MAP4K3: variants seen among roughly 807,000 people sequenced by gnomAD.
MAP4K3 encodes mitogen-activated protein kinase kinase kinase kinase 3.
MAP4K3 carries 94 observed loss-of-function variants against 143.5 expected under a neutral mutation model. That is an observed-to-expected ratio of 0.65 (90% CI 0.55 to 0.78). The LOEUF is 0.78. Among genes scored for constraint, MAP4K3 ranks in the 30% least tolerant of loss-of-function variants. MAP4K3 has a pLI of 0.00. For missense variants in MAP4K3, 1,077 were observed against 1,068.1 expected (o/e 1.01, Z -0.12); for synonymous variants, 416 against 347.2 (o/e 1.20, Z -2.20).
At chr2:39,277,447 C>T (rs1036992664) in intron 24 of MAP4K3, among the ~76,000 whole-genome samples, 1 of 152,178 alleles carries the variant, frequency 6.6e-6, no homozygotes, top group African/African-American at 2.4e-5. Flanking sequence ...GACATCTAAT[C>T]CTGAGTGCTG....
At position 39,329,070 on chromosome 2, in the gene MAP4K3, A is replaced by C. The variant is rs17023692; in HGVS notation, c.531-2793T>G. On this transcript the variant is annotated intron_variant, in intron 8 of 33. Coordinates refer to ENST00000263881, the MANE Select transcript of MAP4K3 (RefSeq NM_003618.4). ...GGAGAGTGTTCCCAAAATTAACTTT[A>C]CCTAATTCACAATTTCACATGTTCC... is the stretch of plus-strand genomic sequence containing the variant. Among the ~76,000 whole-genome samples the C allele has an allele frequency of 7.9e-3, 1,207 of 152,288 alleles. 16 individuals are homozygous for C. Among genetic ancestry groups the C allele is most frequent in the African/African-American group, 0.028 (1,157 of 41,562 alleles).
chr2:39,288,058 GT>G (rs1037792211), intron 20 of MAP4K3, 62 bp downstream of exon 20: 20 of 1,570,204 alleles, frequency 1.3e-5, no homozygotes, highest in Admixed American at 3.6e-5. Context: ...TTAAAAGAAA[GT>G]TTTTTTTCTC....
Position 39,310,610 on chromosome 2 carries a change from G to T in MAP4K3, c.998-1091C>A, listed in dbSNP as rs574818613. On this transcript the variant is annotated intron_variant, in intron 13 of 33. Transcript: ENST00000263881. ...TCCTTTCTTTTGGATGCATAATCCA[G>T]TAGTTCTGAATCATATGGTAGTTCT... 4.3e-4 allele frequency among the ~76,000 whole-genome samples: 65 copies of T among 152,286 alleles called. 1 individual carries two copies. The South Asian group carries it at 0.013, about 31-fold the overall frequency.
At chr2:39,427,071 G>C (rs1665111890) in intron 1 of MAP4K3, among the ~76,000 whole-genome samples, 2 of 151,612 alleles carry the variant, frequency 1.3e-5, no homozygotes, top group Non-Finnish European at 2.9e-5. Flanking sequence ...AAGTCAAACA[G>C]GGAGGAAAGA....
At chr2:39,282,115 A>C (rs1201873633) in intron 22 of MAP4K3, among the ~76,000 whole-genome samples, 1 of 151,994 alleles carries the variant, frequency 6.6e-6, no homozygotes, top group African/African-American at 2.4e-5. Flanking sequence ...GAATGGCATG[A>C]ACCTGGGAGG....
chr2:39,252,053 G>A lies in MAP4K3; in HGVS notation c.2542-168C>T, dbSNP rs561146827. ...ATGTAGATACATCAATTTGTTAGTC[G>A]AGGGGAAATGTGGTTAATTTTGAGT... is the stretch of plus-strand genomic sequence containing the variant. On this transcript the variant is annotated intron_variant, in intron 32 of 33. Coordinates refer to ENST00000263881, the MANE Select transcript of MAP4K3 (RefSeq NM_003618.4). Among the ~76,000 whole-genome samples, 7 of 152,310 alleles carry A rather than the reference G, an allele frequency of 4.6e-5. No homozygotes were observed. In the East Asian group the frequency reaches 9.6e-4, roughly 21 times the overall value.
At chr2:39,375,706 A>T (rs144765615) in intron 2 of MAP4K3, among the ~76,000 whole-genome samples, 3 of 152,326 alleles carry the variant, frequency 2.0e-5, no homozygotes, top group African/African-American at 7.2e-5. Flanking sequence ...AAGTTGTACA[A>T]CCATCACTAG....
chr2:39,313,642 A>G (rs941066697), intron 13 of MAP4K3, among the ~76,000 whole-genome samples: 2 of 152,068 alleles, frequency 1.3e-5, no homozygotes, highest in African/African-American at 4.8e-5. Context: ...CCTCCCCAGT[A>G]GCTGGGACTA....
At chr2:39,334,331 G>A (rs1216485215) in intron 6 of MAP4K3, among the ~76,000 whole-genome samples, 6 of 152,062 alleles carry the variant, frequency 3.9e-5, no homozygotes, top group Non-Finnish European at 8.8e-5. Context: ...GGTCCAAGGT[G>A]CCATCAATCA....
intron 3 of MAP4K3, among the ~76,000 whole-genome samples, chr2:39,349,788 A>T (rs145775890): frequency 3.9e-5 from 6 of 152,218 alleles, no homozygotes; most frequent in Non-Finnish European, 8.8e-5. Flanking sequence ...AAAAAGAAGA[A>T]ATAAAACTTC....
At chr2:39,347,185 G>A (rs935304711) in intron 3 of MAP4K3, among the ~76,000 whole-genome samples, 8 of 152,204 alleles carry the variant, frequency 5.3e-5, no homozygotes, top group African/African-American at 1.9e-4. Flanking sequence ...ACGAGCTTAT[G>A]TTGTATTCTT....
At chr2:39,341,511 G>C (rs546595258) in intron 4 of MAP4K3, among the ~76,000 whole-genome samples, 1 of 151,800 alleles carries the variant, frequency 6.6e-6, no homozygotes, top group Admixed American at 6.6e-5. Flanking sequence ...ATAAAAATTA[G>C]CCGGTGTGGT....
At chr2:39,417,942 C>A (rs572123343) in intron 1 of MAP4K3, among the ~76,000 whole-genome samples, 2 of 152,234 alleles carry the variant, frequency 1.3e-5, no homozygotes, top group Admixed American at 6.5e-5. Context: ...GTGGCTCACA[C>A]CTGTAATCTG....
chr2:39,392,774 G>A (rs1271932140), intron 1 of MAP4K3, among the ~76,000 whole-genome samples: 2 of 152,174 alleles, frequency 1.3e-5, no homozygotes, highest in East Asian at 3.8e-4. Context: ...GGTTATAAAA[G>A]TGAGTTTGGC....
In MAP4K3 at chr2:39,396,898, C is replaced by T. The variant is rs527833693; in HGVS notation, c.97-18775G>A. 3.3e-5 allele frequency among the ~76,000 whole-genome samples: 5 copies of T among 152,300 alleles called. No homozygotes were observed. The East Asian group carries it at 9.6e-4, about 29-fold the overall frequency. ...TCATTCTTACTATCTAAGGTAAATA[C>T]ATCTCAATTTAAGAGATCTATTACT... is the stretch of plus-strand genomic sequence containing the variant. On this transcript the variant is annotated intron_variant, in intron 1 of 33. Transcript: ENST00000263881.
intron 20 of MAP4K3, 122 bp downstream of exon 20, chr2:39,287,999 A>G: frequency 8.6e-7 from 1 of 1,164,786 alleles, no homozygotes; most frequent in African/African-American, 1.5e-5. Flanking sequence ...ACATCTCCAT[A>G]GCCACTGCTT....
intron 19 of MAP4K3, among the ~76,000 whole-genome samples, chr2:39,289,393 T>C (rs955262342): frequency 6.6e-6 from 1 of 152,188 alleles, no homozygotes; most frequent in African/African-American, 2.4e-5. Flanking sequence ...TGTAACACTT[T>C]GATTTTAAAC....
chr2:39,406,430 T>C lies in MAP4K3; in HGVS notation c.97-28307A>G, dbSNP rs138683354. Among the ~76,000 whole-genome samples the C allele has an allele frequency of 1.1e-3, 171 of 152,162 alleles. 1 individual carries two copies. The highest frequency in any genetic ancestry group is 1.7e-3 in the Non-Finnish European group (119 of 68,014). On this transcript the variant is annotated intron_variant, in intron 1 of 33. Coordinates refer to ENST00000263881, the MANE Select transcript of MAP4K3 (RefSeq NM_003618.4). ...ACCCAAAGAAGACTACCTCAAGACA[T>C]TGAATACTCCAAACTCCCAAAGGTC...
chr2:39,372,762 T>C (rs1411272704), intron 2 of MAP4K3, among the ~76,000 whole-genome samples: 1 of 152,116 alleles, frequency 6.6e-6, no homozygotes, highest in African/African-American at 2.4e-5. Flanking sequence ...TAGACCCCCT[T>C]CCTCTTACCA....
Sources: allele counts gnomAD v4.1 joint callset (sites outside exome capture counted in the v4.1 genomes callset), GRCh38; gene constraint gnomAD v4.1.1; transcripts MANE v1.5; gene names NCBI Gene and HGNC (gene_info 2026-07-23, HGNC 2026-07-21).